The following ZRANB3 variants were observed in gnomAD, a reference collection of about 807,000 sequenced individuals.
ZRANB3 encodes the protein DNA annealing helicase and endonuclease ZRANB3.
In ZRANB3, 125 loss-of-function variants were observed where a neutral mutation model predicts 133.8. The observed-to-expected ratio is 0.93, with a 90% CI of 0.81 to 1.08. The LOEUF is 1.08. Among genes scored for constraint, ZRANB3 ranks in the 50% least tolerant of loss-of-function variants. ZRANB3 has a pLI of 0.00. For missense variants in ZRANB3, 1,229 were observed against 1,275.5 expected (o/e 0.96, Z 0.56); for synonymous variants, 387 against 432.7 (o/e 0.89, Z 1.31).
chr2:135,411,219 C>G (rs2104954359), intron 2 of ZRANB3, among the ~76,000 whole-genome samples: 1 of 152,080 alleles, frequency 6.6e-6, no homozygotes, highest in African/African-American at 2.4e-5. Context: ...ACCTGGGTGA[C>G]AGAGTGAGAC....
At chr2:135,221,248 G>A (rs1202516835) in intron 15 of ZRANB3, among the ~76,000 whole-genome samples, 2 of 152,124 alleles carry the variant, frequency 1.3e-5, no homozygotes, top group African/African-American at 4.8e-5. Context: ...TCTGCTTAGT[G>A]TCTTGTGTTT....
At chr2:135,415,660 A>G (rs914228104) in intron 2 of ZRANB3, among the ~76,000 whole-genome samples, 4 of 152,218 alleles carry the variant, frequency 2.6e-5, no homozygotes, top group African/African-American at 4.8e-5. Context: ...GCCAAAAAAG[A>G]GAATTTTAGA....
intron 2 of ZRANB3, among the ~76,000 whole-genome samples, chr2:135,443,597 C>G (rs1423499017): frequency 6.6e-6 from 1 of 151,692 alleles, no homozygotes; most frequent in East Asian, 1.9e-4. Context: ...AGAATGGAGT[C>G]AAAGAGAAAC....
chr2:135,477,689 A>T (rs1412125229), intron 2 of ZRANB3, among the ~76,000 whole-genome samples: 1 of 152,158 alleles, frequency 6.6e-6, no homozygotes, highest in Non-Finnish European at 1.5e-5. Flanking sequence ...CTGACTAATG[A>T]AGTAGCATAA....
chr2:135,381,496 T>C (rs1686696931), intron 3 of ZRANB3, among the ~76,000 whole-genome samples: 1 of 151,662 alleles, frequency 6.6e-6, no homozygotes, highest in African/African-American at 2.4e-5. Flanking sequence ...TGGAAGAGAG[T>C]AGTGGTTCTC....
chr2:135,484,169 T>C (rs1323206019), intron 2 of ZRANB3, among the ~76,000 whole-genome samples: 1 of 152,198 alleles, frequency 6.6e-6, no homozygotes, highest in Non-Finnish European at 1.5e-5. Flanking sequence ...GGTATCCTTG[T>C]TGACTTTCTA....
intron 2 of ZRANB3, among the ~76,000 whole-genome samples, chr2:135,431,977 G>A (rs544640534): frequency 2.0e-5 from 3 of 152,146 alleles, no homozygotes; most frequent in Admixed American, 6.5e-5. Context: ...AAGGCTGGCC[G>A]TGGTGGCTCA....
chr2:135,323,494 G>A, intron 6 of ZRANB3, among the ~76,000 whole-genome samples: 1 of 152,064 alleles, frequency 6.6e-6, no homozygotes, highest in East Asian at 1.9e-4. Context: ...ACAAAGAACA[G>A]CCCAGATAAA....
At chr2:135,254,535 C>A (rs557950833) in intron 12 of ZRANB3, among the ~76,000 whole-genome samples, 1 of 152,026 alleles carries the variant, frequency 6.6e-6, no homozygotes, top group South Asian at 2.1e-4. Context: ...ATCACTTGAA[C>A]CTGGGAGGCG....
intron 2 of ZRANB3, among the ~76,000 whole-genome samples, chr2:135,449,616 T>C (rs1690178803): frequency 6.6e-6 from 1 of 152,018 alleles, no homozygotes; most frequent in African/African-American, 2.4e-5. Context: ...TGAGATTCCA[T>C]CTCAAAAAAT....
intron 8 of ZRANB3, among the ~76,000 whole-genome samples, chr2:135,291,346 C>T (rs549120104): frequency 6.6e-6 from 1 of 151,984 alleles, no homozygotes; most frequent in East Asian, 1.9e-4. Flanking sequence ...CCACACCTAG[C>T]TAATTTTTGT....
intron 6 of ZRANB3, among the ~76,000 whole-genome samples, chr2:135,341,391 A>T (rs1462683778): frequency 6.7e-6 from 1 of 149,826 alleles, no homozygotes; most frequent in Non-Finnish European, 1.5e-5. Context: ...ATAATTTCCT[A>T]TCCTTGTGTT....
intron 8 of ZRANB3, among the ~76,000 whole-genome samples, chr2:135,293,355 C>A (rs1177858983): frequency 6.6e-6 from 1 of 151,924 alleles, no homozygotes; most frequent in Non-Finnish European, 1.5e-5. Context: ...CTCTTTGAAG[C>A]AATTGTGAAT....
At chr2:135,248,058 G>C (rs960229704) in intron 12 of ZRANB3, among the ~76,000 whole-genome samples, 1 of 152,188 alleles carries the variant, frequency 6.6e-6, no homozygotes, top group African/African-American at 2.4e-5. Context: ...TAGAGGGTGG[G>C]ATAGGCTGCC....
At chr2:135,382,906 T>C (rs1176143360) in intron 3 of ZRANB3, among the ~76,000 whole-genome samples, 1 of 152,134 alleles carries the variant, frequency 6.6e-6, no homozygotes, top group East Asian at 1.9e-4. Context: ...CTAAAGACCA[T>C]CGAGGCTAGG....
chr2:135,219,260 T>C, intron 15 of ZRANB3, 82 bp from the exon 16 acceptor site: 1 of 892,390 alleles, frequency 1.1e-6, no homozygotes, highest in Non-Finnish European at 1.7e-6. Flanking sequence ...AATTACATTA[T>C]GACACAATAT....
At chr2:135,477,009 C>G (rs1314583825) in intron 2 of ZRANB3, among the ~76,000 whole-genome samples, 1 of 152,178 alleles carries the variant, frequency 6.6e-6, no homozygotes, top group East Asian at 1.9e-4. Flanking sequence ...ACATAAGCGA[C>G]CATGCCTACC....
At chr2:135,331,521 A>C (rs567335358) in intron 6 of ZRANB3, among the ~76,000 whole-genome samples, 3 of 152,308 alleles carry the variant, frequency 2.0e-5, no homozygotes, top group Non-Finnish European at 2.9e-5. Context: ...TGCTAAAAAG[A>C]ATGTATATTC....
At position 135,199,465 on chromosome 2, in the gene ZRANB3, T is replaced by C. The variant is rs1199389051; in HGVS notation, c.*877A>G. The C allele has an allele frequency of 6.6e-6, 1 of 152,024 alleles. No homozygotes were observed. Among genetic ancestry groups the C allele is most frequent in the East Asian group, 1.9e-4 (1 of 5,186 alleles). The allele number at this position is 152,024 out of a possible 1,614,324, so 9.4% of individuals were successfully genotyped here. A position where few individuals can be genotyped will look rare whatever the true frequency, so the allele number is the denominator to read the frequency against. ...GTGCACAACACCATGCCCGGCTAAT[T>C]TTTTGTATTTTTAGTAGAGATGGGG... On this transcript the variant is annotated 3_prime_UTR_variant, in exon 21 of 21. Coordinates refer to ENST00000264159, the MANE Select transcript of ZRANB3 (RefSeq NM_032143.4).
Sources: allele counts gnomAD v4.1 joint callset (sites outside exome capture counted in the v4.1 genomes callset), GRCh38; gene constraint gnomAD v4.1.1; transcripts MANE v1.5; gene names NCBI Gene and HGNC (gene_info 2026-07-23, HGNC 2026-07-21).